Variants in ERMP1 observed in about 807,000 individuals in gnomAD.
The protein encoded by ERMP1 is endoplasmic reticulum metallopeptidase 1.
Under a neutral mutation model 92.0 loss-of-function variants are expected in ERMP1, and 86 were observed. The ratio of observed to expected loss-of-function variants is 0.93; its 90% CI spans 0.79 to 1.12. ERMP1 has a LOEUF of 1.12. Ranked by LOEUF, ERMP1 falls within the 50% of genes most tolerant of loss-of-function variation. ERMP1 has a pLI of 0.00. For synonymous variants in ERMP1, 530 were observed against 412.8 expected (o/e 1.28, Z -3.44); for missense variants, 1,342 against 1,116.3 (o/e 1.20, Z -2.88).
At chr9:5,825,514 T>C (rs1291457919) in intron 2 of ERMP1, among the ~76,000 whole-genome samples, 1 of 152,246 alleles carries the variant, frequency 6.6e-6, no homozygotes, top group Non-Finnish European at 1.5e-5. Context: ...CCTAAAGTCA[T>C]ACTGGAAACT....
At chr9:5,808,765 TCTCA>T (rs1828967323) in intron 8 of ERMP1, among the ~76,000 whole-genome samples, 1 of 152,168 alleles carries the variant, frequency 6.6e-6, no homozygotes, top group African/African-American at 2.4e-5. Flanking sequence ...TGAGATAGGG[TCTCA>T]CTCTGTCCCC....
chr9:5,797,603 G>A (rs570001024), intron 13 of ERMP1, among the ~76,000 whole-genome samples: 3 of 150,044 alleles, frequency 2.0e-5, no homozygotes, highest in East Asian at 2.0e-4. Context: ...AGCCGAGATC[G>A]TACCACTGCA....
At position 5,787,370 on chromosome 9, in the gene ERMP1, C is replaced by T. The variant is rs373288567; in HGVS notation, c.2550+60G>A. The T allele has an allele frequency of 9.6e-5, 154 of 1,602,406 alleles. No homozygotes were observed. The East Asian group carries it at 2.4e-3, about 25-fold the overall frequency. On this transcript the variant is annotated intron_variant, in intron 14 of 14. Transcript: ENST00000339450. ...AAGCCAGAATACTGAACCCAAGGTTCTTGCTAAATACCACCTGGGAACCTA... is the reference window on the plus strand; with the variant it reads ...AAGCCAGAATACTGAACCCAAGGTTTTTGCTAAATACCACCTGGGAACCTA...
chr9:5,842,434 CAA>C (rs57411750), intron 6 of ERMP1, among the ~76,000 whole-genome samples: 86 of 107,852 alleles, frequency 8.0e-4, no homozygotes, highest in Middle Eastern at 4.2e-3. Context: ...GAGACTGTCT[CAA>C]AAAAAAAAAA....
At chr9:5,857,224 G>A (rs1032043413) in intron 6 of ERMP1, among the ~76,000 whole-genome samples, 6 of 152,134 alleles carry the variant, frequency 3.9e-5, no homozygotes, top group African/African-American at 9.6e-5. Context: ...GTTTTGCTGT[G>A]TTGCCCAGGC....
chr9:5,801,056 T>G, intron 11 of ERMP1, 120 bp downstream of exon 11: 2 of 966,926 alleles, frequency 2.1e-6, no homozygotes, highest in Non-Finnish European at 3.0e-6. Flanking sequence ...ACAAAAAAGG[T>G]GAGTATGACT....
intron 10 of ERMP1, among the ~76,000 whole-genome samples, chr9:5,802,360 A>C (rs554123696): frequency 1.3e-5 from 2 of 152,304 alleles, no homozygotes; most frequent in African/African-American, 4.8e-5. Flanking sequence ...TATTTCCATA[A>C]GTAGAAAAAT....
At chr9:5,851,259 CT>C (rs1378170366) in intron 6 of ERMP1, among the ~76,000 whole-genome samples, 1 of 152,176 alleles carries the variant, frequency 6.6e-6, no homozygotes, top group Non-Finnish European at 1.5e-5. Context: ...CATACAGCAC[CT>C]TATGGCATAC....
At chr9:5,826,933 G>T (rs1394780807) in intron 2 of ERMP1, among the ~76,000 whole-genome samples, 6 of 152,160 alleles carry the variant, frequency 3.9e-5, no homozygotes. Context: ...CTACAGAAGA[G>T]TCAAATATCT....
intron 6 of ERMP1, among the ~76,000 whole-genome samples, chr9:5,857,300 G>A (rs148306212): frequency 0.016 from 2,367 of 152,260 alleles, 66 homozygotes; most frequent in African/African-American, 0.054. Context: ...GGGATTACAG[G>A]CATGAGCCAC....
Position 5,810,013 on chromosome 9 carries a change from T to C in ERMP1, c.1546A>G (p.Met516Val), listed in dbSNP as rs368185505. The C allele has an allele frequency of 3.2e-6, 5 of 1,581,490 alleles. No homozygotes were observed. The highest frequency in any genetic ancestry group is 4.3e-6 in the Non-Finnish European group (5 of 1,151,386). ...IHTLAKRFYY[M>V]NASAQYLGEV... ...CAACAAATATACCAAACACTTACCA[T>C]GTAATAAAATCTTTTCGCAAGAGTA... is the stretch of plus-strand genomic sequence containing the variant. Residue 516 changes from methionine to valine, a missense_variant and splice_region_variant, in exon 8 of 15, where the codon ATG becomes GTG. Coordinates refer to ENST00000339450, the MANE Select transcript of ERMP1 (RefSeq NM_024896.3).
chr9:5,841,887 G>C (rs1444853289), intron 6 of ERMP1, among the ~76,000 whole-genome samples: 1 of 151,762 alleles, frequency 6.6e-6, no homozygotes, highest in East Asian at 1.9e-4. Context: ...TGGTGGGTTT[G>C]TGGTCTCACT....
chr9:5,805,787 TGAAA>T lies in ERMP1; in HGVS notation c.1549-6_1549-3del, dbSNP rs576832011. On this transcript the variant is annotated splice_region_variant and splice_polypyrimidine_tract_variant and intron_variant, in intron 8 of 14. Coordinates refer to ENST00000339450, the MANE Select transcript of ERMP1 (RefSeq NM_024896.3). ...TCCCAGATACTGGGCACTGGCATTC[TGAAA>T]GAAAGAAAAATATACAAGTAGTCTC... 841 of 1,590,348 alleles carry T rather than the reference TGAAA, an allele frequency of 5.3e-4. 6 individuals carry two copies. The African/African-American group carries it at 0.01, about 20-fold the overall frequency.
intron 6 of ERMP1, among the ~76,000 whole-genome samples, chr9:5,850,073 C>A (rs554938976): frequency 4.2e-4 from 64 of 152,296 alleles, no homozygotes; most frequent in African/African-American, 1.5e-3. Context: ...CAAAAGGTCA[C>A]ACAGCCTGCT....
At chr9:5,808,974 C>A (rs1828979046) in intron 8 of ERMP1, among the ~76,000 whole-genome samples, 1 of 152,088 alleles carries the variant, frequency 6.6e-6, no homozygotes, top group African/African-American at 2.4e-5. Flanking sequence ...CCTGCCCAGC[C>A]TCCCAAAGTG....
intron 5 of ERMP1, among the ~76,000 whole-genome samples, chr9:5,861,195 GT>G: frequency 9.3e-6 from 1 of 107,904 alleles, no homozygotes; most frequent in Admixed American, 9.8e-5. Flanking sequence ...GTGTGTGTGT[GT>G]GTGTGTGTGT....
chr9:5,799,148 G>A, intron 11 of ERMP1, 140 bp from the exon 12 acceptor site: 2 of 607,160 alleles, frequency 3.3e-6, no homozygotes, highest in South Asian at 4.2e-5. Flanking sequence ...GAGTTTCTAA[G>A]GTACTGCTAG....
Position 5,809,995 on chromosome 9 carries a change from T to A in ERMP1, c.1548+16A>T. ...GAGGCAACAGAAAGAAATCAACAAA[T>A]ATACCAAACACTTACCATGTAATAA... is the stretch of plus-strand genomic sequence containing the variant. On this transcript the variant is annotated intron_variant, in intron 8 of 14. Coordinates refer to ENST00000339450, the MANE Select transcript of ERMP1 (RefSeq NM_024896.3). 2 of 1,526,996 alleles carry A rather than the reference T, an allele frequency of 1.3e-6. No individual in the cohort carries two copies. Among genetic ancestry groups the A allele is most frequent in the Non-Finnish European group, 1.8e-6 (2 of 1,103,372 alleles). The allele number at this position is 1,526,996 out of a possible 1,614,324, so 94.6% of individuals were successfully genotyped here.
Position 5,810,226 on chromosome 9 carries a change from T to G in ERMP1, c.1333A>C (p.Asn445His). The G allele has an allele frequency of 6.2e-7, 1 of 1,612,452 alleles. No individual in the cohort carries two copies. Among genetic ancestry groups the G allele is most frequent in the Non-Finnish European group, 8.5e-7 (1 of 1,178,898 alleles). The change falls in exon 8 of 15, where the codon AAC (asparagine) becomes CAC (histidine). Residue 445 changes from asparagine to histidine, a missense_variant. Physicochemically the swap from Asn to His is moderately conservative, Grantham distance 68 (BLOSUM62 1). Transcript: ENST00000339450. ...CCACACAAGAAGTCCTTCTTGTAGT[T>G]ACCAGCTAATGAAGAGAAAACAAAA... ...KFLQPKHKTG[N>H]YKKDFLCGLG...
Sources: allele counts gnomAD v4.1 joint callset (sites outside exome capture counted in the v4.1 genomes callset), GRCh38; gene constraint gnomAD v4.1.1; transcripts MANE v1.5; gene names NCBI Gene and HGNC (gene_info 2026-07-23, HGNC 2026-07-21).